The following OVCH2 variants were observed in gnomAD, a reference collection of about 807,000 sequenced individuals.
The protein encoded by OVCH2 is ovochymase 2.
A neutral mutation model predicts 73.7 loss-of-function variants in OVCH2; 88 were observed. That is an observed-to-expected ratio of 1.19 (90% CI 1.01 to 1.43). The LOEUF is 1.43. Among genes scored for constraint, OVCH2 ranks in the 40% most tolerant of loss-of-function variants. OVCH2 has a pLI of 0.00. For missense variants in OVCH2, 706 were observed against 674.5 expected (o/e 1.05, Z -0.52); for synonymous variants, 265 against 234.5 (o/e 1.13, Z -1.19).
downstream of OVCH2, among the ~76,000 whole-genome samples, chr11:7,686,646 C>G (rs1856144634): frequency 6.6e-6 from 1 of 152,150 alleles, no homozygotes; most frequent in Non-Finnish European, 1.5e-5. Flanking sequence ...AAAGAATCTG[C>G]AGGAAGAAAG....
At chr11:7,700,196 C>A (rs12279973) in intron 7 of OVCH2, 100 bp downstream of exon 7, 759,865 of 1,138,908 alleles carry the variant, frequency 0.67, 259,150 homozygotes, top group Non-Finnish European at 0.7. Context: ...AGAGGTAGAG[C>A]CTGTTGGTTC....
chr11:7,683,040 G>A, the OVCH2 span, among the ~76,000 whole-genome samples: 1 of 152,164 alleles, frequency 6.6e-6, no homozygotes, highest in South Asian at 2.1e-4. Context: ...CCCTGGAAAT[G>A]TTGGAGTGCC....
At position 7,691,420 on chromosome 11, in the gene OVCH2, G is replaced by A. The variant is rs142728289; in HGVS notation, c.1508-20C>T. 4.6e-4 allele frequency: 738 copies of A among 1,606,080 alleles called. 5 individuals are homozygous for A. The East Asian group carries it at 0.012, about 27-fold the overall frequency. On this transcript the variant is annotated intron_variant, in intron 13 of 15. Transcript: ENST00000533663. ...GCCGAGCTTGTTGAAGGCCAGCCCAGGCATGACATTGTCAAGCACCCAGCA... is the reference window on the plus strand; with the variant it reads ...GCCGAGCTTGTTGAAGGCCAGCCCAAGCATGACATTGTCAAGCACCCAGCA...
At chr11:7,692,142 T>TGGTA (rs1451848953) in intron 12 of OVCH2, 147 bp from the exon 13 acceptor site, 1 of 617,286 alleles carries the variant, frequency 1.6e-6, no homozygotes, top group African/African-American at 1.8e-5. Flanking sequence ...GTGGGTCAGA[T>TGGTA]TACCAAGGGA....
rs1280949164 is a variant in OVCH2 at position 7,696,741 on chromosome 11, T to A, written c.984A>T (p.Pro328=). 2.5e-6 allele frequency: 4 copies of A among 1,613,336 alleles called. No homozygotes were observed. In the African/African-American group the frequency reaches 5.3e-5, roughly 22 times the overall value. The change falls in exon 9 of 16, where the codon CCA becomes CCT. Residue 328 remains proline (P), a synonymous_variant. Transcript: ENST00000533663. ...VSGAEGKLHF[P]ESLHLYYESK... ...TCTCATAATATAGGTGGAGGCTTTC[T>A]GGGAAGTGCAGCTTCCCCTCAGCCC...
At chr11:7,698,855 A>G in intron 7 of OVCH2, 82 bp from the exon 8 acceptor site, 2 of 1,447,512 alleles carry the variant, frequency 1.4e-6, no homozygotes, top group South Asian at 1.2e-5. Flanking sequence ...TTCTTGGCGC[A>G]CAAGAGATTT....
the OVCH2 span, among the ~76,000 whole-genome samples, chr11:7,681,842 G>A: frequency 7.1e-6 from 1 of 140,568 alleles, no homozygotes; most frequent in African/African-American, 2.9e-5. Context: ...CGGGGAGAAG[G>A]GGGAAATGTC....
At chr11:7,687,120 C>T (rs988155279), downstream of OVCH2, among the ~76,000 whole-genome samples, 1 of 151,888 alleles carries the variant, frequency 6.6e-6, no homozygotes. Context: ...AGATCCACCC[C>T]CGGACCCCAA....
At chr11:7,697,404 CT>C (rs1245289298) in intron 8 of OVCH2, among the ~76,000 whole-genome samples, 6 of 152,170 alleles carry the variant, frequency 3.9e-5, no homozygotes, top group African/African-American at 1.4e-4. Context: ...AGCTTCTAGC[CT>C]TCGTCCTCAT....
chr11:7,693,625 C>T (rs1856262987), intron 12 of OVCH2, among the ~76,000 whole-genome samples: 1 of 152,186 alleles, frequency 6.6e-6, no homozygotes. Context: ...TAAATTTTAT[C>T]CTCCACCACT....
chr11:7,706,114 T>C (rs560055520), intron 1 of OVCH2, 193 bp downstream of exon 1: 4 of 544,530 alleles, frequency 7.3e-6, no homozygotes, highest in African/African-American at 3.9e-5. Flanking sequence ...AGTTGCATTC[T>C]ATAAATGTTT....
chr11:7,702,450 G>T, intron 3 of OVCH2, 121 bp from the exon 4 acceptor site: 1 of 765,182 alleles, frequency 1.3e-6, no homozygotes, highest in Non-Finnish European at 2.0e-6. Flanking sequence ...TGAGGCTGCT[G>T]AGCAGAGAAA....
intron 2 of OVCH2, 134 bp from the exon 3 acceptor site, chr11:7,703,923 A>G: frequency 1.3e-6 from 1 of 751,766 alleles, no homozygotes; most frequent in South Asian, 1.6e-5. Flanking sequence ...CTGTGAAAAG[A>G]TAAAGCCCAG....
At chr11:7,704,728 A>C in intron 1 of OVCH2, 54 bp from the exon 2 acceptor site, 1 of 1,232,552 alleles carries the variant, frequency 8.1e-7, no homozygotes, top group Non-Finnish European at 1.2e-6. Context: ...GGATTGAGGT[A>C]ATATCTTCTC....
the OVCH2 span, among the ~76,000 whole-genome samples, chr11:7,679,763 C>T: frequency 3.9e-5 from 6 of 152,180 alleles, no homozygotes; most frequent in African/African-American, 1.4e-4. Flanking sequence ...GAACCTTCAG[C>T]ATCCCACTCT....
chr11:7,701,244 T>C (rs928294839), intron 6 of OVCH2, 80 bp downstream of exon 6: 11 of 1,475,670 alleles, frequency 7.5e-6, no homozygotes, highest in African/African-American at 1.4e-5. Context: ...TAAATTTCAC[T>C]GAAATTTAAG....
intron 14 of OVCH2, 91 bp downstream of exon 14, chr11:7,691,178 G>T: frequency 7.0e-7 from 1 of 1,428,070 alleles, no homozygotes; most frequent in African/African-American, 1.4e-5. Context: ...AGTGAGAATC[G>T]ACTGTCTCTG....
intron 3 of OVCH2, among the ~76,000 whole-genome samples, chr11:7,703,205 T>C (rs745516614): frequency 6.6e-6 from 1 of 152,144 alleles, no homozygotes; most frequent in Non-Finnish European, 1.5e-5. Flanking sequence ...CTGTCAATAA[T>C]AGGATATTTG....
chr11:7,703,597 AC>A, intron 3 of OVCH2, 100 bp downstream of exon 3: 1 of 916,482 alleles, frequency 1.1e-6, no homozygotes. Flanking sequence ...ACCAATACTC[AC>A]CTATCACACA....
Sources: gnomAD v4.1 joint callset for allele counts (sites outside exome capture counted in the v4.1 genomes callset) on GRCh38, gnomAD v4.1.1 for gene constraint, MANE v1.5 for transcripts, NCBI Gene and HGNC (gene_info 2026-07-23, HGNC 2026-07-21) for gene names.